The following TTBK1 variants were observed in gnomAD, a reference collection of about 807,000 sequenced individuals.
The protein encoded by TTBK1 is tau tubulin kinase 1.
TTBK1 carries 34 observed loss-of-function variants against 108.5 expected under a neutral mutation model. The observed-to-expected ratio is 0.31, with a 90% CI of 0.24 to 0.42. The LOEUF is 0.42. TTBK1 is among the 10% of genes least tolerant of loss of function. TTBK1 has a pLI of 1.00. For synonymous variants in TTBK1, 809 were observed against 795.1 expected, an observed-to-expected ratio of 1.02 and a Z score of -0.29; for missense variants, 1,539 against 1,826.0, an observed-to-expected ratio of 0.84 and a Z score of 2.86.
intron 13 of TTBK1, among the ~76,000 whole-genome samples, chr6:43,266,248 G>A (rs560633259): frequency 2.8e-4 from 43 of 152,340 alleles, no homozygotes; most frequent in African/African-American, 9.9e-4. Flanking sequence ...GTATGTGCCT[G>A]CATGTGGGTG....
At chr6:43,271,487 T>C (rs1777833529) in intron 13 of TTBK1, 2 of 985,378 alleles carry the variant, frequency 2.0e-6, no homozygotes, top group Non-Finnish European at 1.2e-6. Flanking sequence ...TCATTGGTAG[T>C]TTCCTATGTA....
rs755188451 is a variant in TTBK1 at position 43,283,328 on chromosome 6, C to G, written c.2588C>G (p.Ala863Gly). Residue 863 changes from alanine (A) to glycine (G), a missense_variant, in exon 14 of 15, where the codon GCT becomes GGT. By Grantham distance (60) the Ala-to-Gly change is moderately conservative. Around this residue, in one of 5 missense-constraint regions of TTBK1, gnomAD observed 1,055 missense variants for 1,086.5 expected, o/e 0.97. Coordinates refer to ENST00000259750, the MANE Select transcript of TTBK1 (RefSeq NM_032538.3). The surrounding 1 kb of genome is among the most constrained non-coding windows in gnomAD (Gnocchi z 8.1). ...CCCGACCCCGACCTGGGCACCCTGG[C>G]TGCCCTCACTCCTCAGCATGAGCGG... ...LAPDPDLGTL[A>G]ALTPQHERPQ... 2.5e-6 allele frequency: 4 copies of G among 1,587,658 alleles called. No individual in the cohort carries two copies. The highest frequency in any genetic ancestry group is 1.7e-6 in the Non-Finnish European group (2 of 1,167,154).
intron 2 of TTBK1, among the ~76,000 whole-genome samples, chr6:43,249,615 C>T (rs1364133495): frequency 1.3e-5 from 2 of 151,696 alleles, no homozygotes; most frequent in East Asian, 3.9e-4. Flanking sequence ...CTCACTCTGT[C>T]GCCCAGGCTC....
Position 43,269,854 on chromosome 6 carries a change from C to T in TTBK1, c.1986+6504C>T. 1 of 1,534,074 alleles carries T rather than the reference C, an allele frequency of 6.5e-7. No individual in the cohort carries two copies. Among genetic ancestry groups the T allele is most frequent in the Non-Finnish European group, 8.7e-7 (1 of 1,145,560 alleles). ...CGGGCGCCCCACCGGCGCCACGCGC[C>T]CCTCGCTGCTGGCAACCACAGACTC... On this transcript the variant is annotated intron_variant, in intron 13 of 14. Transcript: ENST00000259750. This position sits in a 1 kb window ranked among gnomAD's most constrained non-coding sequence, Gnocchi z 4.8.
In TTBK1 at chr6:43,263,608, C is replaced by A. The variant is rs1260389395; in HGVS notation, c.1986+258C>A. 2.0e-5 allele frequency among the ~76,000 whole-genome samples: 3 copies of A among 152,216 alleles called. No individual in the cohort carries two copies. In the East Asian group the frequency reaches 5.8e-4, roughly 29 times the overall value. ...GCCAAGTGACAAGGCAGGAGAAGGG[C>A]CTCGCAGGCCACGGGCACAGTGTTT... On this transcript the variant is annotated intron_variant, in intron 13 of 14. Transcript: ENST00000259750. This position sits in a 1 kb window ranked among gnomAD's most constrained non-coding sequence, Gnocchi z 4.7.
Position 43,282,920 on chromosome 6 carries a change from C to T in TTBK1, c.2180C>T (p.Pro727Leu), listed in dbSNP as rs1331930463. Residue 727 changes from proline (P) to leucine (L), a missense_variant, in exon 14 of 15, where the codon CCT (proline) becomes CTT (leucine). Coordinates refer to ENST00000259750, the MANE Select transcript of TTBK1 (RefSeq NM_032538.3). The surrounding 1 kb of genome is among the most constrained non-coding windows in gnomAD (Gnocchi z 5.4). ...TPQVPLAPVQ[P>L]QANGKEEEEE... is the part of the protein sequence containing the mutation. ...CAGGTCCCACTGGCTCCTGTTCAGC[C>T]TCAGGCTAATGGGAAGGAGGAAGAG... The T allele has an allele frequency of 1.9e-6, 3 of 1,613,504 alleles. No individual in the cohort carries two copies. Among genetic ancestry groups the T allele is most frequent in the South Asian group, 2.2e-5 (2 of 91,006 alleles).
At position 43,259,261 on chromosome 6, in the gene TTBK1, A is replaced by G. The variant is rs1777462653; in HGVS notation, c.1240A>G (p.Ile414Val). Residue 414 changes from isoleucine to valine, a missense_variant, in exon 11 of 15, where the codon ATC becomes GTC. Ile to Val is a conservative substitution (Grantham distance 29, BLOSUM62 3). This residue lies in a region of TTBK1 where 277 missense variants were observed against 332.4 expected (regional missense o/e 0.83). Coordinates refer to ENST00000259750, the MANE Select transcript of TTBK1 (RefSeq NM_032538.3). This position sits in a 1 kb window ranked among gnomAD's most constrained non-coding sequence, Gnocchi z 6.7. The stretch of plus-strand genomic sequence containing the variant: ...CAACCGGAACAAACTCCGGATCAAC[A>G]TCGGCAAAGTAACTGCCGCCAGGGC... ...DVNRNKLRIN[I>V]GKSPCVEEEQ... 5 of 1,549,054 alleles carry G rather than the reference A, an allele frequency of 3.2e-6. No individual in the cohort carries two copies. Among genetic ancestry groups the G allele is most frequent in the Non-Finnish European group, 2.6e-6 (3 of 1,149,102 alleles).
rs111981370 is a variant in TTBK1 at position 43,287,642 on chromosome 6, G to T, written c.*2266G>T. The T allele has an allele frequency of 0.08, 12,198 of 152,216 alleles. 630 individuals are homozygous for T. The highest frequency in any genetic ancestry group is 0.11 in the Non-Finnish European group (7,717 of 68,050). The allele number at this position is 152,216 out of a possible 1,614,324, so 9.4% of individuals were successfully genotyped here. On this transcript the variant is annotated 3_prime_UTR_variant, in exon 15 of 15. Coordinates refer to ENST00000259750, the MANE Select transcript of TTBK1 (RefSeq NM_032538.3). The surrounding 1 kb of genome is among the most constrained non-coding windows in gnomAD (Gnocchi z 4.1). ...GGGAAAGTGGGCCAGTGGGGAGGGG[G>T]TCACCTAGGGGACTGCCTCTGTGCC...
chr6:43,281,150 G>A (rs962742560), intron 13 of TTBK1, among the ~76,000 whole-genome samples: 1 of 152,020 alleles, frequency 6.6e-6, no homozygotes, highest in Non-Finnish European at 1.5e-5. Context: ...GAAGCGGGTG[G>A]ATCACCTGAG....
intron 14 of TTBK1, 44 bp downstream of exon 14, chr6:43,284,356 C>A: frequency 6.9e-7 from 1 of 1,446,338 alleles, no homozygotes; most frequent in Non-Finnish European, 9.0e-7. Context: ...AGGGTGGCCA[C>A]AGGCCTCCAC....
At chr6:43,266,197 C>T (rs555861863) in intron 13 of TTBK1, among the ~76,000 whole-genome samples, 13 of 152,292 alleles carry the variant, frequency 8.5e-5, no homozygotes, top group African/African-American at 3.1e-4. Context: ...TTTGTGTCAG[C>T]GGAGCTCGAG....
rs1434196331 is a variant in TTBK1, at chr6:43,276,317, T to C, written c.1987-6410T>C. ...ACACGAAGATGGGACGCTTTTTTTC[T>C]TCCTCTCTCTCTCCGGGGTGCGTCC... On this transcript the variant is annotated intron_variant, in intron 13 of 14. Transcript: ENST00000259750. This position sits in a 1 kb window ranked among gnomAD's most constrained non-coding sequence, Gnocchi z 5.4. Among the ~76,000 whole-genome samples, 6 of 152,144 alleles carry C rather than the reference T, an allele frequency of 3.9e-5. No homozygotes were observed. Among genetic ancestry groups the C allele is most frequent in the Non-Finnish European group, 8.8e-5 (6 of 68,016 alleles).
rs1360049251 is a variant in TTBK1, at chr6:43,253,930, G to C, written c.471+222G>C. Among the ~76,000 whole-genome samples, 10 of 152,158 alleles carry C rather than the reference G, an allele frequency of 6.6e-5. No homozygotes were observed. On this transcript the variant is annotated intron_variant, in intron 5 of 14. Transcript: ENST00000259750. This position sits in a 1 kb window ranked among gnomAD's most constrained non-coding sequence, Gnocchi z 5.8. The stretch of plus-strand genomic sequence containing the variant: ...CTGCCTGCCCCTCGGCCATGGCCAG[G>C]CCTCTCCTCTGTTCTTCCCTTCTGT...
chr6:43,245,988 G>A (rs750975603), intron 1 of TTBK1, among the ~76,000 whole-genome samples: 15 of 152,186 alleles, frequency 9.9e-5, no homozygotes, highest in Non-Finnish European at 1.8e-4. Context: ...CCCCATGGCT[G>A]TGTCAGTGGG....
chr6:43,260,821 A>G (rs1439412110), intron 12 of TTBK1, among the ~76,000 whole-genome samples: 1 of 152,120 alleles, frequency 6.6e-6, no homozygotes, highest in Non-Finnish European at 1.5e-5. Flanking sequence ...GAGGGTCTGG[A>G]TGGGCTCTGG....
chr6:43,264,369 C>T (rs1054546125), intron 13 of TTBK1, among the ~76,000 whole-genome samples: 14 of 151,874 alleles, frequency 9.2e-5, no homozygotes, highest in African/African-American at 3.4e-4. Context: ...GGTGACAGAG[C>T]GAGACTCTGA....
At chr6:43,270,550 C>A in intron 13 of TTBK1, 1 of 985,490 alleles carries the variant, frequency 1.0e-6, no homozygotes, top group South Asian at 4.7e-5. Flanking sequence ...GCCCTGTGAC[C>A]TAGCGAGACT....
Position 43,270,416 on chromosome 6 carries a change from T to TGTGG in TTBK1, c.1986+7069_1986+7070insGGTG, listed in dbSNP as rs1777800569. On this transcript the variant is annotated intron_variant, in intron 13 of 14. Transcript: ENST00000259750. ...GGAGGCCAAGACCCTCCTTGCATGG[T>TGTGG]GTGTGTGTGTGTGTGTGTGTGTGTG... is the stretch of plus-strand genomic sequence containing the variant. 1.5e-4 allele frequency: 40 copies of TGTGG among 269,604 alleles called. No homozygotes were observed. In the South Asian group the frequency reaches 5.0e-3, roughly 33 times the overall value. The allele number at this position is 269,604 out of a possible 1,614,324, so 16.7% of individuals were successfully genotyped here.
At position 43,283,817 on chromosome 6, in the gene TTBK1, C is replaced by G; in HGVS notation, c.3077C>G (p.Pro1026Arg). 2 of 1,612,400 alleles carry G rather than the reference C, an allele frequency of 1.2e-6. No individual in the cohort carries two copies. The highest frequency in any genetic ancestry group is 2.2e-5 in the East Asian group (1 of 44,840). Residue 1026 changes from proline to arginine, a missense_variant, in exon 14 of 15, where the codon CCG (proline) becomes CGG (arginine). Pro to Arg is a moderately radical substitution (Grantham distance 103). Coordinates refer to ENST00000259750, the MANE Select transcript of TTBK1 (RefSeq NM_032538.3). This position sits in a 1 kb window ranked among gnomAD's most constrained non-coding sequence, Gnocchi z 8.1. ...NGPALADGPA[P>R]VSPLEPSPEK... is the part of the protein sequence containing the mutation. ...CCGGCCCTTGCAGACGGGCCAGCCC[C>G]GGTGTCCCCGCTGGAGCCAAGCCCT...
Sources: gnomAD v4.1 joint callset for allele counts (sites outside exome capture counted in the v4.1 genomes callset) on GRCh38, gnomAD v4.1.1 for gene constraint, gnomAD v4.1.1 regional missense constraint, Gnocchi (gnomAD v3.1) non-coding constraint, MANE v1.5 for transcripts, NCBI Gene and HGNC (gene_info 2026-07-23, HGNC 2026-07-21) for gene names.